The following C1orf94 variants were observed in gnomAD, a reference collection of about 807,000 sequenced individuals.
C1orf94 encodes the protein chromosome 1 open reading frame 94.
C1orf94 carries 45 observed loss-of-function variants against 53.6 expected under a neutral mutation model. That is an observed-to-expected ratio of 0.84 (90% CI 0.66 to 1.08). The LOEUF (loss-of-function observed/expected upper bound fraction) is 1.08. C1orf94 is among the 50% of genes least tolerant of loss of function. The pLI is 0.00. For missense variants in C1orf94, 762 were observed against 738.9 expected (o/e 1.03, Z -0.36); for synonymous variants, 304 against 296.1 (o/e 1.03, Z -0.27).
intron 1 of C1orf94, among the ~76,000 whole-genome samples, chr1:34,192,218 C>G (rs1642506115): frequency 6.6e-6 from 1 of 152,192 alleles, no homozygotes; most frequent in South Asian, 2.1e-4. Context: ...TAACCGTGAA[C>G]CCAGCAAAGT....
At chr1:34,187,625 C>A (rs997948171) in intron 1 of C1orf94, among the ~76,000 whole-genome samples, 3 of 151,946 alleles carry the variant, frequency 2.0e-5, no homozygotes, top group Non-Finnish European at 2.9e-5. Flanking sequence ...GTAAGCCTTC[C>A]CTTATTAAAC....
At chr1:34,181,352 G>A (rs1433870911) in intron 1 of C1orf94, among the ~76,000 whole-genome samples, 1 of 152,110 alleles carries the variant, frequency 6.6e-6, no homozygotes, top group Non-Finnish European at 1.5e-5. Flanking sequence ...AATAATCCAG[G>A]GGTGATCCAA....
At chr1:34,211,401 G>A (rs774249356) in intron 5 of C1orf94, among the ~76,000 whole-genome samples, 9 of 152,168 alleles carry the variant, frequency 5.9e-5, no homozygotes, top group East Asian at 1.9e-4. Context: ...CTGACTTGTC[G>A]CGGCAAGATG....
chr1:34,182,033 A>G (rs1012295927), intron 1 of C1orf94, among the ~76,000 whole-genome samples: 1 of 152,188 alleles, frequency 6.6e-6, no homozygotes, highest in Non-Finnish European at 1.5e-5. Context: ...ATCTCTACAA[A>G]AAATACAAAA....
upstream of C1orf94, among the ~76,000 whole-genome samples, chr1:34,172,155 C>A (rs1341252829): frequency 6.6e-6 from 1 of 152,192 alleles, no homozygotes; most frequent in Non-Finnish European, 1.5e-5. Context: ...CCTTGGCATA[C>A]CTATCACTAC....
chr1:34,212,517 G>A, intron 6 of C1orf94, 111 bp downstream of exon 6: 1 of 1,101,200 alleles, frequency 9.1e-7, no homozygotes, highest in Non-Finnish European at 1.3e-6. Flanking sequence ...CATGGCTGTG[G>A]GGTGGGATGG....
At chr1:34,201,076 C>A (rs1557485837) in intron 3 of C1orf94, 44 bp downstream of exon 3, 2 of 1,548,820 alleles carry the variant, frequency 1.3e-6, no homozygotes. Flanking sequence ...GAGGGGGTTG[C>A]AGTGACCCTC....
At chr1:34,185,298 G>A (rs1642368783) in intron 1 of C1orf94, among the ~76,000 whole-genome samples, 1 of 152,108 alleles carries the variant, frequency 6.6e-6, no homozygotes, top group African/African-American at 2.4e-5. Context: ...TCCTGCCTCA[G>A]CCTCCCAAGT....
upstream of C1orf94, among the ~76,000 whole-genome samples, chr1:34,173,847 T>A (rs1162728366): frequency 2.0e-5 from 3 of 152,154 alleles, no homozygotes; most frequent in African/African-American, 7.2e-5. Flanking sequence ...CACTTTAAAC[T>A]CTAAAAAAGA....
chr1:34,177,991 G>T lies in C1orf94; in HGVS notation c.202G>T (p.Glu68Ter). 6.4e-7 allele frequency: 1 copy of T among 1,551,782 alleles called. No homozygotes were observed. Among genetic ancestry groups the T allele is most frequent in the Non-Finnish European group, 8.7e-7 (1 of 1,147,012 alleles). The change falls in exon 1 of 7, where the codon GAA becomes TAA. Residue 68 changes from glutamate (E) to a stop codon, truncating the protein, a stop_gained. Coordinates refer to ENST00000488417, the MANE Select transcript of C1orf94 (RefSeq NM_001134734.2). LOFTEE classifies it high-confidence loss of function. Reference protein sequence around the residue: ...PQDSLDKTCHEIWKRVQGLPE... With the variant: ...PQDSLDKTCH ...AGACAGCCTAGACAAGACTTGCCAT[G>T]AAATCTGGAAGAGAGTTCAAGGCCT...
chr1:34,203,684 A>G (rs1349766132), intron 4 of C1orf94, among the ~76,000 whole-genome samples: 1 of 152,238 alleles, frequency 6.6e-6, no homozygotes, highest in African/African-American at 2.4e-5. Flanking sequence ...GAGAAAATCA[A>G]TGGCCAGACA....
At chr1:34,216,035 A>G (rs1642982543) in intron 6 of C1orf94, among the ~76,000 whole-genome samples, 2 of 152,230 alleles carry the variant, frequency 1.3e-5, no homozygotes, top group South Asian at 4.2e-4. Flanking sequence ...ACAAACAAAC[A>G]AACAAAAAAC....
rs1382603 is a variant in C1orf94 at position 34,197,546 on chromosome 1, C to T, written c.642C>T (p.Ala214=). 0.02 allele frequency: 31,565 copies of T among 1,613,992 alleles called. 1,945 individuals carry two copies. In the African/African-American group the frequency reaches 0.21, roughly 11 times the overall value. Reference sequence around the variant, plus strand: ...CTGTCACAGACATTCTGTGTGCCGCCGAGGTCAAGAGCAGCAAGGGGACAG... The same window carrying T: ...CTGTCACAGACATTCTGTGTGCCGCTGAGGTCAAGAGCAGCAAGGGGACAG... ...TSTVTDILCA[A]EVKSSKGTED... The change falls in exon 2 of 7, where the codon GCC becomes GCT. Residue 214 remains alanine (A), a synonymous_variant. Transcript: ENST00000488417. This position sits in a 1 kb window ranked among gnomAD's most constrained non-coding sequence, Gnocchi z 4.1.
upstream of C1orf94, among the ~76,000 whole-genome samples, chr1:34,174,211 C>T (rs140580553): frequency 5.2e-3 from 789 of 152,368 alleles, 4 homozygotes; most frequent in Middle Eastern, 0.017. Context: ...AATTCTCCCT[C>T]TCTACACAAA....
rs1387316284 is a variant in C1orf94 at position 34,219,015 on chromosome 1, C to T, written c.*254C>T. 1.2e-5 allele frequency: 4 copies of T among 328,256 alleles called. No homozygotes were observed. Among genetic ancestry groups the T allele is most frequent in the Non-Finnish European group, 2.2e-5 (4 of 182,152 alleles). 20.3% of individuals were successfully genotyped at this position (328,256 alleles called of 1,614,324 possible). A position where few individuals can be genotyped will look rare whatever the true frequency, so the allele number is the denominator to read the frequency against. ...ATACTTGCTTGCTCAACCACTTATG[C>T]ATCTATATTTAGCTAACATGAGTGA... On this transcript the variant is annotated 3_prime_UTR_variant, in exon 7 of 7. Coordinates refer to ENST00000488417, the MANE Select transcript of C1orf94 (RefSeq NM_001134734.2).
intron 6 of C1orf94, among the ~76,000 whole-genome samples, chr1:34,217,515 G>C (rs906517778): frequency 3.3e-5 from 5 of 152,170 alleles, no homozygotes; most frequent in African/African-American, 4.8e-5. Flanking sequence ...CAGAGGTGGG[G>C]TTACCGCTGG....
At chr1:34,218,312 A>G (rs78788577) in intron 6 of C1orf94, among the ~76,000 whole-genome samples, 5,881 of 152,228 alleles carry the variant, frequency 0.039, 164 homozygotes, top group South Asian at 0.14. Flanking sequence ...CCTGAGGGAC[A>G]TGTCTGGTCC....
chr1:34,168,205 C>G (rs965672879), intron 1 of C1orf94, among the ~76,000 whole-genome samples: 2 of 152,090 alleles, frequency 1.3e-5, no homozygotes, highest in African/African-American at 4.8e-5. Context: ...TTGAGCCCAG[C>G]TGTTCAAGGC....
At chr1:34,169,596 TGAGAGAGA>T (rs568952022) in intron 1 of C1orf94, among the ~76,000 whole-genome samples, 37 of 97,606 alleles carry the variant, frequency 3.8e-4, no homozygotes, top group African/African-American at 1.3e-3. Flanking sequence ...CTTCTGAAGC[TGAGAGAGA>T]GAGAGAGAGA....
Sources: gnomAD v4.1 joint callset for allele counts (sites outside exome capture counted in the v4.1 genomes callset) on GRCh38, gnomAD v4.1.1 for gene constraint, Gnocchi (gnomAD v3.1) non-coding constraint, MANE v1.5 for transcripts, NCBI Gene and HGNC (gene_info 2026-07-23, HGNC 2026-07-21) for gene names.